FRMPD2: variants seen among roughly 807,000 people sequenced by gnomAD.
The protein encoded by FRMPD2 is FERM and PDZ domain-containing protein 2.
In FRMPD2, 96 loss-of-function variants were observed where a neutral mutation model predicts 140.1. The observed-to-expected ratio is 0.69, with a 90% confidence interval of 0.58 to 0.81. The LOEUF is 0.81. FRMPD2 is among the 40% of genes least tolerant of loss of function. The pLI is 0.00. For missense variants in FRMPD2, 1,240 were observed against 1,447.4 expected (o/e 0.86, Z 2.32); for synonymous variants, 449 against 547.6 (o/e 0.82, Z 2.52).
At chr10:48,222,674 A>G (rs1350665083) in intron 11 of FRMPD2, among the ~76,000 whole-genome samples, 2 of 152,148 alleles carry the variant, frequency 1.3e-5, no homozygotes, top group African/African-American at 2.4e-5. Context: ...ACTTCATACA[A>G]ACTTACAGAG....
At chr10:48,230,257 C>CATTCTT (rs1229702901) in intron 10 of FRMPD2, among the ~76,000 whole-genome samples, 6 of 152,210 alleles carry the variant, frequency 3.9e-5, no homozygotes, top group African/African-American at 1.4e-4. Flanking sequence ...TATCCATAAG[C>CATTCTT]ATTCTTATTT....
intron 9 of FRMPD2, 75 bp from the exon 10 acceptor site, chr10:48,232,364 T>C: frequency 9.5e-7 from 1 of 1,051,256 alleles, no homozygotes; most frequent in Non-Finnish European, 1.4e-6. Context: ...GTTACTGTAC[T>C]AAGCACTTTA....
At chr10:48,185,806 C>T (rs968611623) in intron 17 of FRMPD2, among the ~76,000 whole-genome samples, 161 bp from the exon 18 acceptor site, 6 of 152,184 alleles carry the variant, frequency 3.9e-5, no homozygotes, top group Non-Finnish European at 5.9e-5. Context: ...CCCAGCAGTG[C>T]TGGGAATGGA....
chr10:48,186,617 C>G (rs1221237055), intron 17 of FRMPD2, among the ~76,000 whole-genome samples: 1 of 152,210 alleles, frequency 6.6e-6, no homozygotes, highest in Non-Finnish European at 1.5e-5. Flanking sequence ...TCTGAGGCCT[C>G]CCCAGCCATG....
intron 10 of FRMPD2, among the ~76,000 whole-genome samples, chr10:48,228,074 A>G (rs1839767073): frequency 6.6e-6 from 1 of 152,204 alleles, no homozygotes; most frequent in African/African-American, 2.4e-5. Context: ...CAATGAAAAA[A>G]GAGAGTTAAA....
intron 20 of FRMPD2, among the ~76,000 whole-genome samples, chr10:48,181,592 A>T (rs1174548423): frequency 6.6e-6 from 1 of 152,074 alleles, no homozygotes; most frequent in Non-Finnish European, 1.5e-5. Flanking sequence ...AAGCTAGGCC[A>T]CTGATTCCTG....
intron 1 of FRMPD2, among the ~76,000 whole-genome samples, chr10:48,262,985 C>T (rs771631235): frequency 6.6e-6 from 1 of 152,008 alleles, no homozygotes; most frequent in Non-Finnish European, 1.5e-5. Context: ...GTCAGTAGAA[C>T]CAAACTGCAA....
intron 16 of FRMPD2, among the ~76,000 whole-genome samples, chr10:48,189,614 C>A (rs1372804196): frequency 6.6e-6 from 1 of 152,182 alleles, no homozygotes; most frequent in Non-Finnish European, 1.5e-5. Context: ...GGGACCACAT[C>A]TGTCATGCTC....
chr10:48,186,107 C>A (rs1838678727), intron 17 of FRMPD2, among the ~76,000 whole-genome samples: 1 of 152,224 alleles, frequency 6.6e-6, no homozygotes, highest in African/African-American at 2.4e-5. Flanking sequence ...GCCAGCAGCC[C>A]AGCCTGTGTG....
chr10:48,211,758 C>T (rs1839328044), intron 13 of FRMPD2, among the ~76,000 whole-genome samples, 196 bp downstream of exon 13: 1 of 152,134 alleles, frequency 6.6e-6, no homozygotes, highest in African/African-American at 2.4e-5. Flanking sequence ...AAATCCTACC[C>T]TCTTTGGGGT....
chr10:48,273,885 TAA>T (rs111236938), intron 1 of FRMPD2, among the ~76,000 whole-genome samples: 4 of 146,132 alleles, frequency 2.7e-5, no homozygotes, highest in Non-Finnish European at 4.5e-5. Flanking sequence ...ATTGTTGCTT[TAA>T]AAAAAAAAAA....
chr10:48,196,735 T>C (rs1263750019), intron 15 of FRMPD2, among the ~76,000 whole-genome samples: 1 of 152,166 alleles, frequency 6.6e-6, no homozygotes, highest in African/African-American at 2.4e-5. Flanking sequence ...CAGAGAGAGT[T>C]TCTAAAATGA....
rs965687136 is a variant in FRMPD2, at chr10:48,234,847, T to G, written c.993+1635A>C. Reference sequence around the variant, plus strand: ...GGACAATAGCACTGTTCCCATCGCCTGGAGTCTTGGTACCTAAGCACTGCA... The same window carrying G: ...GGACAATAGCACTGTTCCCATCGCCGGGAGTCTTGGTACCTAAGCACTGCA... On this transcript the variant is annotated intron_variant, in intron 9 of 28. Transcript: ENST00000374201. Among the ~76,000 whole-genome samples the G allele has an allele frequency of 5.1e-4, 78 of 152,140 alleles. 1 individual carries two copies. Among genetic ancestry groups the G allele is most frequent in the African/African-American group, 1.8e-3 (74 of 41,434 alleles).
At chr10:48,215,970 G>C (rs1443398481) in intron 12 of FRMPD2, among the ~76,000 whole-genome samples, 1 of 152,196 alleles carries the variant, frequency 6.6e-6, no homozygotes, top group African/African-American at 2.4e-5. Flanking sequence ...CCTCCCTAAA[G>C]TGAATGTACC....
chr10:48,206,338 G>A (rs922356473), intron 14 of FRMPD2, among the ~76,000 whole-genome samples: 2 of 152,114 alleles, frequency 1.3e-5, no homozygotes. Context: ...ATTAAAACAC[G>A]GGAAGAAGTT....
At chr10:48,248,078 C>T (rs1840292337) in intron 3 of FRMPD2, among the ~76,000 whole-genome samples, 1 of 152,168 alleles carries the variant, frequency 6.6e-6, no homozygotes, top group Admixed American at 6.5e-5. Flanking sequence ...CCTTTCAGAG[C>T]CTGGAGGGAA....
intron 28 of FRMPD2, 111 bp downstream of exon 28, chr10:48,163,217 C>T (rs1399334933): frequency 5.1e-6 from 3 of 591,262 alleles, no homozygotes; most frequent in Non-Finnish European, 3.1e-6. Context: ...ATGCCTGGAA[C>T]AGTGCTGGGC....
intron 24 of FRMPD2, among the ~76,000 whole-genome samples, chr10:48,174,471 G>A (rs1255679081): frequency 6.6e-6 from 1 of 152,186 alleles, no homozygotes; most frequent in African/African-American, 2.4e-5. Context: ...AGGGAACGGA[G>A]TGGGGTCATC....
rs982922203 is a variant in FRMPD2, at chr10:48,199,096, G to A, written c.1954+2132C>T. ...AGACACTGTGGACTACTAGAGGGTG[G>A]AGGAAGGTGAGATGGGTTAGAAAAC... On this transcript the variant is annotated intron_variant, in intron 15 of 28. Coordinates refer to ENST00000374201, the MANE Select transcript of FRMPD2 (RefSeq NM_001018071.4). Among the ~76,000 whole-genome samples, 10 of 152,124 alleles carry A rather than the reference G, an allele frequency of 6.6e-5. No homozygotes were observed. In the East Asian group the frequency reaches 7.7e-4, roughly 12 times the overall value.
Sources: allele counts gnomAD v4.1 joint callset (sites outside exome capture counted in the v4.1 genomes callset), GRCh38; gene constraint gnomAD v4.1.1; transcripts MANE v1.5; gene names NCBI Gene and HGNC (gene_info 2026-07-23, HGNC 2026-07-21).